C3orf38: variants seen among roughly 807,000 people sequenced by gnomAD.
C3orf38 encodes the protein chromosome 3 open reading frame 38, also known as uncharacterized protein C3orf38.
A neutral mutation model predicts 28.3 loss-of-function variants in C3orf38; 18 were observed. That is an observed-to-expected ratio of 0.64 (90% CI 0.44 to 0.94). The LOEUF (loss-of-function observed/expected upper bound fraction) is 0.94. Ranked by LOEUF, C3orf38 falls within the 40% of genes least tolerant of loss-of-function variation. The pLI, the probability that C3orf38 is intolerant of heterozygous loss-of-function variation, is 0.00. For missense variants in C3orf38, 364 were observed against 396.4 expected, an observed-to-expected ratio of 0.92 and a Z score of 0.69; for synonymous variants, 145 against 138.1, an observed-to-expected ratio of 1.05 and a Z score of -0.35.
rs1707485535 is a variant in C3orf38, at chr3:88,156,737, A to G, written c.*102A>G. ...CCTGAAAAAAATCTTCTATACAGAA[A>G]CTCTTCCAAATACTATATCAGTAAT... On this transcript the variant is annotated 3_prime_UTR_variant, in exon 3 of 3. Transcript: ENST00000318887. 8.3e-7 allele frequency: 1 copy of G among 1,201,882 alleles called. No homozygotes were observed. Among genetic ancestry groups the G allele is most frequent in the Non-Finnish European group, 1.2e-6 (1 of 859,474 alleles). 74.5% of individuals were successfully genotyped at this position (1,201,882 alleles called of 1,614,324 possible).
At chr3:88,155,075 G>A (rs565474841) in intron 2 of C3orf38, among the ~76,000 whole-genome samples, 1 of 152,124 alleles carries the variant, frequency 6.6e-6, no homozygotes, top group South Asian at 2.1e-4. Context: ...GTCAAGACTG[G>A]TCTTGAACTC....
At chr3:88,155,296 C>A (rs1418721099) in intron 2 of C3orf38, among the ~76,000 whole-genome samples, 1 of 152,022 alleles carries the variant, frequency 6.6e-6, no homozygotes, top group Non-Finnish European at 1.5e-5. Flanking sequence ...AACTTTATGT[C>A]ATTTATATGC....
chr3:88,153,052 A>C (rs1354126163), intron 1 of C3orf38, among the ~76,000 whole-genome samples, 178 bp from the exon 2 acceptor site: 3 of 152,208 alleles, frequency 2.0e-5, no homozygotes, highest in Non-Finnish European at 4.4e-5. Context: ...TTAAGGCATA[A>C]AGATGTTAAA....
intron 2 of C3orf38, among the ~76,000 whole-genome samples, chr3:88,154,731 G>A (rs75362180): frequency 1.1e-3 from 175 of 152,246 alleles, no homozygotes; most frequent in African/African-American, 4.1e-3. Flanking sequence ...CCAGTGCCAC[G>A]CACAGTGCCC....
Position 88,156,097 on chromosome 3 carries a change from G to A in C3orf38, c.452G>A (p.Gly151Glu), listed in dbSNP as rs776852073. 1.9e-6 allele frequency: 3 copies of A among 1,600,642 alleles called. No individual in the cohort carries two copies. In the African/African-American group the frequency reaches 4.0e-5, roughly 22 times the overall value. Reference protein sequence around the residue: ...LGEEFCHWFFGLLNSQNPFLG... With the variant: ...LGEEFCHWFFELLNSQNPFLG... The stretch of plus-strand genomic sequence containing the variant: ...GAAGAATTCTGTCATTGGTTCTTTG[G>A]ACTTCTTAATTCTCAGAATCCTTTT... The change falls in exon 3 of 3, where the codon GGA becomes GAA. Residue 151 changes from glycine (G) to glutamate (E), a missense_variant. Transcript: ENST00000318887.
chr3:88,150,355 A>G (rs1707391534), intron 1 of C3orf38, among the ~76,000 whole-genome samples, 170 bp downstream of exon 1: 1 of 152,196 alleles, frequency 6.6e-6, no homozygotes, highest in Admixed American at 6.6e-5. Flanking sequence ...TGGCGGTGAT[A>G]ATGGCACGGC....
intron 1 of C3orf38, among the ~76,000 whole-genome samples, chr3:88,151,311 A>AAT (rs375580821): frequency 0.012 from 1,806 of 149,970 alleles, 23 homozygotes; most frequent in African/African-American, 0.04. Flanking sequence ...GATTGGAAAA[A>AAT]ATATATATAT....
intron 2 of C3orf38, among the ~76,000 whole-genome samples, chr3:88,153,744 A>T (rs1198679166): frequency 6.6e-6 from 1 of 151,634 alleles, no homozygotes. Context: ...GCTAATTTTT[A>T]AAATTTTTTG....
intron 1 of C3orf38, chr3:88,150,768 C>T (rs1466269745): frequency 6.6e-6 from 1 of 152,078 alleles, no homozygotes. Flanking sequence ...AAATGTAAAG[C>T]GTTTGTTCAT....
Position 88,153,235 on chromosome 3 carries a change from G to T in C3orf38, c.139G>T (p.Val47Phe). ...TCTTTGCAATTTCTTTCTAGATGCTGTTCATGCAATATTAGCATACAGTCA... is the reference window on the plus strand; with the variant it reads ...TCTTTGCAATTTCTTTCTAGATGCTTTTCATGCAATATTAGCATACAGTCA... Reference protein sequence around the residue: ...LVQPQDRQDAVHAILAYSQSA... With the variant: ...LVQPQDRQDAFHAILAYSQSA... The change falls in exon 2 of 3, where the codon GTT (valine) becomes TTT (phenylalanine). Residue 47 changes from valine to phenylalanine, a missense_variant. Transcript: ENST00000318887. 1.9e-6 allele frequency: 3 copies of T among 1,604,732 alleles called. No homozygotes were observed. The highest frequency in any genetic ancestry group is 2.2e-5 in the South Asian group (2 of 89,542).
chr3:88,153,585 A>AT lies in C3orf38; in HGVS notation c.375+120dup, dbSNP rs1432295896. 5.5e-6 allele frequency: 7 copies of AT among 1,264,064 alleles called. No individual in the cohort carries two copies. In the African/African-American group the frequency reaches 1.1e-4, roughly 19 times the overall value. The allele number at this position is 1,264,064 out of a possible 1,614,324, so 78.3% of individuals were successfully genotyped here. A position where few individuals can be genotyped will look rare whatever the true frequency, so the allele number is the denominator to read the frequency against. ...ATGTTTGTGGGGTTTTTTTATTTTT[A>AT]TTTTTTAAGAGATTCTTGCTCTGTT... On this transcript the variant is annotated intron_variant, in intron 2 of 2. Transcript: ENST00000318887.
At position 88,154,159 on chromosome 3, in the gene C3orf38, A is replaced by G. The variant is rs1397348642; in HGVS notation, c.375+688A>G. 6.6e-5 allele frequency among the ~76,000 whole-genome samples: 10 copies of G among 152,082 alleles called. No homozygotes were observed. In the East Asian group the frequency reaches 1.9e-3, roughly 29 times the overall value. The stretch of plus-strand genomic sequence containing the variant: ...TTCTCACTTTTAAGACGTTTTTGGT[A>G]TTGCAAAAATGTCATGAAAGGAACT... On this transcript the variant is annotated intron_variant, in intron 2 of 2. Coordinates refer to ENST00000318887, the MANE Select transcript of C3orf38 (RefSeq NM_173824.4).
At chr3:88,153,063 A>G (rs1336404386) in intron 1 of C3orf38, among the ~76,000 whole-genome samples, 167 bp from the exon 2 acceptor site, 1 of 152,236 alleles carries the variant, frequency 6.6e-6, no homozygotes, top group East Asian at 1.9e-4. Context: ...AGATGTTAAA[A>G]GAAAACTGAC....
At chr3:88,153,789 G>A (rs1707447303) in intron 2 of C3orf38, among the ~76,000 whole-genome samples, 1 of 152,024 alleles carries the variant, frequency 6.6e-6, no homozygotes, top group South Asian at 2.1e-4. Context: ...TGCCCAGGCT[G>A]GTCTTGAACT....
intron 2 of C3orf38, 92 bp from the exon 3 acceptor site, chr3:88,155,929 G>C: frequency 2.1e-6 from 2 of 961,264 alleles, no homozygotes; most frequent in South Asian, 3.8e-5. Flanking sequence ...TGGTGTAATG[G>C]GTTCATTCAA....
chr3:88,150,007 G>A lies in C3orf38; in HGVS notation c.-46G>A. Reference sequence around the variant, plus strand: ...TTGCCAGGCGCGGGCCCAGTGGGCCGTAGGGGCGACATTGTTGCCGTTGTC... The same window carrying A: ...TTGCCAGGCGCGGGCCCAGTGGGCCATAGGGGCGACATTGTTGCCGTTGTC... On this transcript the variant is annotated 5_prime_UTR_variant, in exon 1 of 3. Transcript: ENST00000318887. The A allele has an allele frequency of 6.2e-7, 1 of 1,609,920 alleles. No homozygotes were observed. Among genetic ancestry groups the A allele is most frequent in the Non-Finnish European group, 8.5e-7 (1 of 1,178,454 alleles).
rs1707476340 is a variant in C3orf38 at position 88,156,137 on chromosome 3, A to G, written c.492A>G (p.Gln164=). 3.1e-6 allele frequency: 5 copies of G among 1,613,752 alleles called. No individual in the cohort carries two copies. Among genetic ancestry groups the G allele is most frequent in the Non-Finnish European group, 2.5e-6 (3 of 1,179,880 alleles). The change falls in exon 3 of 3, where the codon CAA becomes CAG. Residue 164 remains glutamine (Q), a synonymous_variant. Coordinates refer to ENST00000318887, the MANE Select transcript of C3orf38 (RefSeq NM_173824.4). The part of the protein sequence containing the change: ...NSQNPFLGPP[Q]DEWGPQHFWH... Reference sequence around the variant, plus strand: ...AGAATCCTTTTCTAGGACCACCTCAAGATGAATGGGGACCACAGCACTTCT... The same window carrying G: ...AGAATCCTTTTCTAGGACCACCTCAGGATGAATGGGGACCACAGCACTTCT...
chr3:88,154,035 G>T (rs1385637704), intron 2 of C3orf38, among the ~76,000 whole-genome samples: 1 of 152,128 alleles, frequency 6.6e-6, no homozygotes, highest in Admixed American at 6.5e-5. Context: ...ATCATCAAAT[G>T]AGGACTATTG....
rs1166987704 is a variant in C3orf38 at position 88,156,881 on chromosome 3, T to G, written c.*246T>G. The stretch of plus-strand genomic sequence containing the variant: ...TCTACCCGAGTTGCAGCAAGTATTC[T>G]GAAAGCTTAATGCAAATAAATCCCA... On this transcript the variant is annotated 3_prime_UTR_variant, in exon 3 of 3. Transcript: ENST00000318887. 1 of 425,534 alleles carries G rather than the reference T, an allele frequency of 2.3e-6. No homozygotes were observed. The highest frequency in any genetic ancestry group is 3.9e-5 in the East Asian group (1 of 25,666). 26.4% of individuals were successfully genotyped at this position (425,534 alleles called of 1,614,324 possible). A position where few individuals can be genotyped will look rare whatever the true frequency, so the allele number is the denominator to read the frequency against.
Sources: allele counts gnomAD v4.1 joint callset (sites outside exome capture counted in the v4.1 genomes callset), GRCh38; gene constraint gnomAD v4.1.1; transcripts MANE v1.5; gene names NCBI Gene and HGNC (gene_info 2026-07-23, HGNC 2026-07-21).